Variants in RAB11FIP4 observed in about 807,000 individuals in gnomAD.
RAB11FIP4 encodes the protein rab11 family-interacting protein 4.
In RAB11FIP4, 23 loss-of-function variants were observed where a neutral mutation model predicts 74.3. That is an observed-to-expected ratio of 0.31 (90% CI 0.22 to 0.44). RAB11FIP4 has a LOEUF of 0.44. Ranked by LOEUF, RAB11FIP4 falls within the 20% of genes least tolerant of loss-of-function variation. RAB11FIP4 has a pLI of 1.00. For synonymous variants in RAB11FIP4, 360 were observed against 359.9 expected, an observed-to-expected ratio of 1.00 and a Z score of 0.00; for missense variants, 630 against 863.9, an observed-to-expected ratio of 0.73 and a Z score of 3.39.
intron 14 of RAB11FIP4, 111 bp downstream of exon 14, chr17:31,530,580 C>A (rs1043023682): frequency 2.2e-6 from 3 of 1,382,876 alleles, no homozygotes; most frequent in Admixed American, 2.0e-5. Flanking sequence ...GGCAGAGAGT[C>A]CCATCTACAG....
At chr17:31,417,197 G>C (rs1217264085) in intron 1 of RAB11FIP4, among the ~76,000 whole-genome samples, 1 of 152,108 alleles carries the variant, frequency 6.6e-6, no homozygotes, top group Non-Finnish European at 1.5e-5. Flanking sequence ...CGGTACCCCA[G>C]TGTCCTCACA....
intron 1 of RAB11FIP4, 135 bp from the exon 2 acceptor site, chr17:31,431,674 TACTG>T (rs1369543177): frequency 1.5e-6 from 1 of 686,716 alleles, no homozygotes; most frequent in Non-Finnish European, 2.6e-6. Flanking sequence ...CCATGGCTGA[TACTG>T]ACCCCAGGGT....
intron 3 of RAB11FIP4, among the ~76,000 whole-genome samples, chr17:31,483,025 T>TA (rs2071864648): frequency 6.6e-6 from 1 of 151,764 alleles, no homozygotes; most frequent in Admixed American, 6.6e-5. Context: ...AAACCCCGTC[T>TA]CTACTAAAAA....
chr17:31,516,204 T>C (rs1000888332), intron 3 of RAB11FIP4, among the ~76,000 whole-genome samples: 1 of 151,764 alleles, frequency 6.6e-6, no homozygotes, highest in African/African-American at 2.4e-5. Flanking sequence ...CAGGGTCATG[T>C]AGGGTGGATC....
chr17:31,460,569 T>C (rs1339321168), intron 3 of RAB11FIP4, among the ~76,000 whole-genome samples: 1 of 152,166 alleles, frequency 6.6e-6, no homozygotes, highest in African/African-American at 2.4e-5. Flanking sequence ...GAAATGTTGG[T>C]GGCTATAAAT....
chr17:31,418,327 G>A (rs1027657734), intron 1 of RAB11FIP4, among the ~76,000 whole-genome samples: 1 of 152,194 alleles, frequency 6.6e-6, no homozygotes, highest in African/African-American at 2.4e-5. Flanking sequence ...GGCGGAGGTT[G>A]CAGTGAGCCG....
chr17:31,493,628 A>G (rs758408222), intron 3 of RAB11FIP4, among the ~76,000 whole-genome samples: 20 of 151,976 alleles, frequency 1.3e-4, no homozygotes, highest in Admixed American at 2.6e-4. Flanking sequence ...CCTGCATCCC[A>G]CGCTTTGTCA....
chr17:31,531,867 G>C lies in RAB11FIP4; in HGVS notation c.*135G>C. 4.4e-6 allele frequency: 3 copies of C among 675,202 alleles called. No homozygotes were observed. Among genetic ancestry groups the C allele is most frequent in the South Asian group, 1.7e-5 (1 of 57,744 alleles). The allele number at this position is 675,202 out of a possible 1,614,324, so 41.8% of individuals were successfully genotyped here. ...TGGCCACCATGCGTTACGTGTACCC[G>C]TGTATATGTGGGGAGGCTGTGCACA... is the stretch of plus-strand genomic sequence containing the variant. On this transcript the variant is annotated 3_prime_UTR_variant, in exon 15 of 15. Coordinates refer to ENST00000621161, the MANE Select transcript of RAB11FIP4 (RefSeq NM_032932.6).
At chr17:31,525,259 C>T in intron 10 of RAB11FIP4, 29 bp downstream of exon 10, 4 of 1,528,612 alleles carry the variant, frequency 2.6e-6, no homozygotes, top group Non-Finnish European at 3.5e-6. Context: ...CCCCCTCCCT[C>T]AGAGGGACCC....
chr17:31,463,095 C>T (rs1048163169), intron 3 of RAB11FIP4, among the ~76,000 whole-genome samples: 1 of 152,214 alleles, frequency 6.6e-6, no homozygotes, highest in Non-Finnish European at 1.5e-5. Flanking sequence ...GCCAGTAAAG[C>T]TTAAGCCATC....
Position 31,536,995 on chromosome 17 carries a change from G to C in RAB11FIP4, c.*5263G>C, listed in dbSNP as rs1187125414. Reference sequence around the variant, plus strand: ...ATGTCTGCCCCGGAGCTACCAGCTGGGGATGGCATCCAGGCCATGTCTCCT... The same window carrying C: ...ATGTCTGCCCCGGAGCTACCAGCTGCGGATGGCATCCAGGCCATGTCTCCT... On this transcript the variant is annotated 3_prime_UTR_variant, in exon 15 of 15. Transcript: ENST00000621161. 3 of 399,082 alleles carry C rather than the reference G, an allele frequency of 7.5e-6. No individual in the cohort carries two copies. The highest frequency in any genetic ancestry group is 1.3e-5 in the Non-Finnish European group (3 of 226,162). The allele number at this position is 399,082 out of a possible 1,614,324, so 24.7% of individuals were successfully genotyped here.
At position 31,523,570 on chromosome 17, in the gene RAB11FIP4, C is replaced by G. The variant is rs569471357; in HGVS notation, c.988C>G (p.Arg330Gly). 3.7e-6 allele frequency: 6 copies of G among 1,614,092 alleles called. No homozygotes were observed. The South Asian group carries it at 6.6e-5, about 18-fold the overall frequency. Reference sequence around the variant, plus strand: ...CAATGGCAGCACCGAAGACCTGTTCCGGGACAGCATTGACTCTTGCGACAA... The same window carrying G: ...CAATGGCAGCACCGAAGACCTGTTCGGGGACAGCATTGACTCTTGCGACAA... ...SSNGSTEDLFRDSIDSCDNDI... is the reference protein window; with the variant it reads ...SSNGSTEDLFGDSIDSCDNDI... Residue 330 changes from arginine to glycine, a missense_variant, in exon 8 of 15, where the codon CGG becomes GGG. By Grantham distance (125) the Arg-to-Gly change is moderately radical. Transcript: ENST00000621161.
chr17:31,435,689 G>A lies in RAB11FIP4; in HGVS notation c.336+1567G>A, dbSNP rs112402027. On this transcript the variant is annotated intron_variant, in intron 3 of 14. Coordinates refer to ENST00000621161, the MANE Select transcript of RAB11FIP4 (RefSeq NM_032932.6). ...AGGCCTCTTGGAATCCAGCTGGGTCGTGGGGTCAGGGTTAGGTTCCCTGGG... is the reference window on the plus strand; with the variant it reads ...AGGCCTCTTGGAATCCAGCTGGGTCATGGGGTCAGGGTTAGGTTCCCTGGG... Among the ~76,000 whole-genome samples, 398 of 152,330 alleles carry A rather than the reference G, an allele frequency of 2.6e-3. 2 individuals carry two copies. Among genetic ancestry groups the A allele is most frequent in the African/African-American group, 8.7e-3 (361 of 41,572 alleles).
intron 3 of RAB11FIP4, among the ~76,000 whole-genome samples, chr17:31,493,902 C>T (rs1328603467): frequency 1.3e-5 from 2 of 152,074 alleles, no homozygotes; most frequent in African/African-American, 4.8e-5. Context: ...GGCCCCAGAT[C>T]GTATATGTGT....
In RAB11FIP4 at chr17:31,528,450, G is replaced by T. The variant is rs1256991033; in HGVS notation, c.1401G>T (p.Arg467=). The change falls in exon 12 of 15, where the codon CGG becomes CGT. Residue 467 remains arginine (R), a synonymous_variant. Transcript: ENST00000621161. ...MSDRLEDTSL[R]LKDEMDLYKR... ...ACCGTCTGGAGGACACCAGCCTGCG[G>T]CTCAAAGATGAGATGGACCTGTACA... 5 of 1,613,336 alleles carry T rather than the reference G, an allele frequency of 3.1e-6. No individual in the cohort carries two copies. Among genetic ancestry groups the T allele is most frequent in the African/African-American group, 1.3e-5 (1 of 74,960 alleles).
intron 13 of RAB11FIP4, among the ~76,000 whole-genome samples, chr17:31,529,058 T>G (rs1247269664): frequency 2.6e-5 from 4 of 151,388 alleles, no homozygotes; most frequent in African/African-American, 9.7e-5. Flanking sequence ...CTGGAGGCAT[T>G]GGGTTCTCCC....
chr17:31,470,100 C>T (rs976383769), intron 3 of RAB11FIP4, among the ~76,000 whole-genome samples: 4 of 152,204 alleles, frequency 2.6e-5, no homozygotes, highest in Non-Finnish European at 5.9e-5. Context: ...CCTCCCCTCT[C>T]ACTGTGGGAA....
At chr17:31,483,289 C>T (rs182572122) in intron 3 of RAB11FIP4, among the ~76,000 whole-genome samples, 1 of 149,908 alleles carries the variant, frequency 6.7e-6, no homozygotes, top group Non-Finnish European at 1.5e-5. Context: ...CCAGGTTTGA[C>T]TGATGCTCAC....
intron 3 of RAB11FIP4, among the ~76,000 whole-genome samples, chr17:31,471,357 G>A (rs776003751): frequency 6.6e-6 from 1 of 151,842 alleles, no homozygotes; most frequent in East Asian, 1.9e-4. Flanking sequence ...GAGCCACTGC[G>A]CCCAGCTGGA....
Sources: allele counts gnomAD v4.1 joint callset (sites outside exome capture counted in the v4.1 genomes callset), GRCh38; gene constraint gnomAD v4.1.1; transcripts MANE v1.5; gene names NCBI Gene and HGNC (gene_info 2026-07-23, HGNC 2026-07-21).